Variants in DPP10 observed in about 807,000 individuals in gnomAD.
DPP10 encodes the protein inactive dipeptidyl peptidase 10.
Under a neutral mutation model 120.9 loss-of-function variants are expected in DPP10, and 33 were observed. The ratio of observed to expected loss-of-function variants is 0.27; its 90% CI spans 0.21 to 0.37. The LOEUF is 0.37. Ranked by LOEUF, DPP10 falls within the 10% of genes least tolerant of loss-of-function variation. The pLI is 1.00. For missense variants in DPP10, 816 were observed against 942.8 expected, an observed-to-expected ratio of 0.87 and a Z score of 1.76; for synonymous variants, 337 against 326.1, an observed-to-expected ratio of 1.03 and a Z score of -0.36.
chr2:114,717,265 C>T (rs1701409637), intron 1 of DPP10, among the ~76,000 whole-genome samples: 1 of 152,188 alleles, frequency 6.6e-6, no homozygotes, highest in Admixed American at 6.5e-5. Flanking sequence ...TCAGATCCTT[C>T]AGAGTAGGTC....
At chr2:114,815,555 C>A (rs1685572353) in intron 1 of DPP10, among the ~76,000 whole-genome samples, 1 of 152,160 alleles carries the variant, frequency 6.6e-6, no homozygotes, top group African/African-American at 2.4e-5. Context: ...AAGTTAGTAT[C>A]TAAGTGGACA....
chr2:115,031,188 T>C (rs1703816806), intron 1 of DPP10, among the ~76,000 whole-genome samples: 1 of 152,092 alleles, frequency 6.6e-6, no homozygotes. Context: ...TTTCAAGGTA[T>C]CAGTCTTAGA....
At position 115,242,413 on chromosome 2, in the gene DPP10, A is replaced by G. The variant is rs1267613271; in HGVS notation, c.61-66826A>G. ...AGTTTTTTTATCCACTCATCGATTGATGGGCATTTGGGCTCGTTCCATATT... is the reference window on the plus strand; with the variant it reads ...AGTTTTTTTATCCACTCATCGATTGGTGGGCATTTGGGCTCGTTCCATATT... On this transcript the variant is annotated intron_variant, in intron 1 of 25. Coordinates refer to ENST00000410059, the MANE Select transcript of DPP10 (RefSeq NM_020868.6). 6.6e-5 allele frequency among the ~76,000 whole-genome samples: 10 copies of G among 151,976 alleles called. No homozygotes were observed. In the East Asian group the frequency reaches 1.9e-3, roughly 29 times the overall value.
chr2:115,503,975 T>C (rs1351977632), intron 4 of DPP10, among the ~76,000 whole-genome samples: 1 of 152,124 alleles, frequency 6.6e-6, no homozygotes. Context: ...CTGTGATAAT[T>C]AGAAGGTAAT....
intron 8 of DPP10, 51 bp downstream of exon 8, chr2:115,727,987 C>A (rs919629666): frequency 6.5e-7 from 1 of 1,547,646 alleles, no homozygotes; most frequent in East Asian, 2.3e-5. Context: ...TATTTTTATA[C>A]AAAATCTACC....
At chr2:115,661,839 A>T (rs1185394035) in intron 5 of DPP10, among the ~76,000 whole-genome samples, 1 of 152,160 alleles carries the variant, frequency 6.6e-6, no homozygotes, top group Non-Finnish European at 1.5e-5. Context: ...AACTTCTATC[A>T]CCTCCTGTAG....
intron 1 of DPP10, among the ~76,000 whole-genome samples, chr2:115,036,327 A>C (rs922429759): frequency 1.3e-5 from 2 of 152,184 alleles, no homozygotes; most frequent in Non-Finnish European, 2.9e-5. Flanking sequence ...ATTACAATTC[A>C]AGGTGAGATT....
chr2:114,634,191 C>T (rs750545082), intron 1 of DPP10, among the ~76,000 whole-genome samples: 10 of 151,790 alleles, frequency 6.6e-5, no homozygotes, highest in South Asian at 2.1e-4. Flanking sequence ...GATTTTGGCA[C>T]TTCTGCCTGT....
At chr2:115,420,106 G>A (rs148255524) in intron 3 of DPP10, among the ~76,000 whole-genome samples, 184 of 152,088 alleles carry the variant, frequency 1.2e-3, no homozygotes, top group African/African-American at 4.0e-3. Context: ...GAAATATTTC[G>A]GTCCAGAACT....
At chr2:115,119,698 T>C (rs2049720919) in intron 1 of DPP10, among the ~76,000 whole-genome samples, 1 of 152,166 alleles carries the variant, frequency 6.6e-6, no homozygotes, top group African/African-American at 2.4e-5. Context: ...CTGTTGTGTT[T>C]CTCTGATGGG....
At chr2:115,123,936 C>A (rs534435769) in intron 1 of DPP10, among the ~76,000 whole-genome samples, 2 of 151,730 alleles carry the variant, frequency 1.3e-5, no homozygotes, top group Non-Finnish European at 2.9e-5. Context: ...ATATAAAATG[C>A]CTGTCTGATT....
chr2:115,369,858 G>T (rs1259756291), intron 3 of DPP10, among the ~76,000 whole-genome samples: 4 of 151,976 alleles, frequency 2.6e-5, no homozygotes, highest in Non-Finnish European at 4.4e-5. Context: ...TGATTATTCT[G>T]CCCAAGCCAA....
chr2:115,308,548 C>T (rs2061449720), intron 1 of DPP10, among the ~76,000 whole-genome samples: 1 of 152,070 alleles, frequency 6.6e-6, no homozygotes, highest in Non-Finnish European at 1.5e-5. Context: ...GAATGAATAG[C>T]TTTACCACAT....
intron 10 of DPP10, chr2:115,750,205 TC>T (rs144774571): frequency 0.082 from 81,196 of 985,196 alleles, 3,565 homozygotes; most frequent in Non-Finnish European, 0.089. Context: ...TAAGGGTGCT[TC>T]CCTACTCCCT....
At chr2:115,031,360 G>A (rs1054896457) in intron 1 of DPP10, among the ~76,000 whole-genome samples, 14 of 152,196 alleles carry the variant, frequency 9.2e-5, no homozygotes, top group African/African-American at 1.7e-4. Flanking sequence ...GAGTTTTACC[G>A]GATGTCTACT....
chr2:114,726,003 C>A (rs569014289), intron 1 of DPP10, among the ~76,000 whole-genome samples: 19 of 152,068 alleles, frequency 1.2e-4, no homozygotes, highest in Non-Finnish European at 2.5e-4. Context: ...GAGGCCGAGG[C>A]GGGCAGATCA....
intron 1 of DPP10, among the ~76,000 whole-genome samples, chr2:114,766,417 G>C (rs1031084656): frequency 6.6e-6 from 1 of 152,140 alleles, no homozygotes; most frequent in Non-Finnish European, 1.5e-5. Flanking sequence ...ATTACTATTT[G>C]AAACCCAGCA....
At chr2:114,851,393 T>C (rs1688936827) in intron 1 of DPP10, among the ~76,000 whole-genome samples, 1 of 152,160 alleles carries the variant, frequency 6.6e-6, no homozygotes, top group Non-Finnish European at 1.5e-5. Flanking sequence ...ATTAAATCTA[T>C]AGTTTAACTT....
chr2:114,814,641 T>C (rs1026032913), intron 1 of DPP10, among the ~76,000 whole-genome samples: 1 of 152,140 alleles, frequency 6.6e-6, no homozygotes, highest in Non-Finnish European at 1.5e-5. Context: ...AGGGTCCTCA[T>C]GCAGTGGCTG....
Sources: gnomAD v4.1 joint callset for allele counts (sites outside exome capture counted in the v4.1 genomes callset) on GRCh38, gnomAD v4.1.1 for gene constraint, MANE v1.5 for transcripts, NCBI Gene and HGNC (gene_info 2026-07-23, HGNC 2026-07-21) for gene names.